Variants in ROR1 observed in about 807,000 individuals in gnomAD.
ROR1 encodes the protein ROR family WNT receptor 1.
Under a neutral mutation model 78.8 loss-of-function variants are expected in ROR1, and 19 were observed. That is an observed-to-expected ratio of 0.24 (90% CI 0.17 to 0.35). The LOEUF is 0.35. Among genes scored for constraint, ROR1 ranks in the 10% least tolerant of loss-of-function variants. The pLI, the probability that ROR1 is intolerant of heterozygous loss-of-function variation, is 1.00. For missense variants in ROR1, 917 were observed against 1,177.8 expected, an observed-to-expected ratio of 0.78 and a Z score of 3.24; for synonymous variants, 386 against 433.6, an observed-to-expected ratio of 0.89 and a Z score of 1.36.
chr1:64,130,239 G>C (rs912772571), intron 4 of ROR1, among the ~76,000 whole-genome samples: 7 of 152,118 alleles, frequency 4.6e-5, no homozygotes, highest in South Asian at 2.1e-4. Context: ...TAGATTTAAG[G>C]CTTCTCTGTG....
intron 1 of ROR1, among the ~76,000 whole-genome samples, chr1:63,824,481 A>T (rs1342390120): frequency 1.3e-5 from 2 of 152,186 alleles, no homozygotes; most frequent in East Asian, 3.8e-4. Flanking sequence ...TAGGCCATAC[A>T]AAAATAGACA....
At chr1:64,088,431 T>C (rs7542376) in intron 4 of ROR1, among the ~76,000 whole-genome samples, 22,682 of 152,072 alleles carry the variant, frequency 0.15, 1,775 homozygotes, top group Middle Eastern at 0.2. Flanking sequence ...TTTTCTAATA[T>C]AGAGCTGCCA....
At position 64,177,900 on chromosome 1, in the gene ROR1, A is replaced by AT; in HGVS notation, c.1860dup (p.Ile621TyrfsTer24). The AT allele has an allele frequency of 6.2e-7, 1 of 1,614,222 alleles. No homozygotes were observed. Among genetic ancestry groups the AT allele is most frequent in the South Asian group, 1.1e-5 (1 of 91,082 alleles). ...GTCCACAAGGACCTTGCAGCTCGCA[A>AT]TATTTTAATCGGAGAGCAACTTCAT... On this transcript the variant is annotated frameshift_variant, in exon 9 of 9. Coordinates refer to ENST00000371079, the MANE Select transcript of ROR1 (RefSeq NM_005012.4). LOFTEE classifies it high-confidence loss of function.
chr1:63,936,433 T>C (rs1569939320), intron 1 of ROR1, among the ~76,000 whole-genome samples: 1 of 152,304 alleles, frequency 6.6e-6, no homozygotes, highest in African/African-American at 2.4e-5. Context: ...GAATAATGAC[T>C]GTTTTCTAAA....
intron 1 of ROR1, among the ~76,000 whole-genome samples, chr1:63,976,736 T>A (rs1646164327): frequency 1.3e-5 from 2 of 152,148 alleles, no homozygotes; most frequent in Admixed American, 1.3e-4. Context: ...AGGTTGAGTA[T>A]CCCTTATCCA....
chr1:64,118,929 G>T (rs1648421540), intron 4 of ROR1, among the ~76,000 whole-genome samples: 1 of 152,156 alleles, frequency 6.6e-6, no homozygotes, highest in Non-Finnish European at 1.5e-5. Context: ...CCAGCACGTG[G>T]ACCATAAATG....
chr1:64,085,993 C>G (rs1043265505), intron 4 of ROR1, among the ~76,000 whole-genome samples: 2 of 152,190 alleles, frequency 1.3e-5, no homozygotes, highest in Admixed American at 6.5e-5. Context: ...CCCTTATTCC[C>G]TGGATGCCGT....
intron 1 of ROR1, among the ~76,000 whole-genome samples, chr1:63,827,716 C>T (rs1022114449): frequency 4.6e-5 from 7 of 152,244 alleles, no homozygotes; most frequent in African/African-American, 1.4e-4. Context: ...TAAGTTTTCA[C>T]GTTTGGCTTC....
intron 1 of ROR1, among the ~76,000 whole-genome samples, chr1:63,986,094 C>T (rs561073632): frequency 6.6e-6 from 1 of 152,182 alleles, no homozygotes; most frequent in African/African-American, 2.4e-5. Flanking sequence ...TGGAAAAAAA[C>T]TTAGAAATAT....
chr1:63,967,784 C>G (rs1237778147), intron 1 of ROR1, among the ~76,000 whole-genome samples: 2 of 152,180 alleles, frequency 1.3e-5, no homozygotes, highest in African/African-American at 2.4e-5. Context: ...GGAGGGGGAG[C>G]TTGGACTCTA....
intron 2 of ROR1, among the ~76,000 whole-genome samples, chr1:64,042,686 G>A (rs948480230): frequency 7.9e-5 from 12 of 152,106 alleles, no homozygotes; most frequent in African/African-American, 2.7e-4. Context: ...GAAGTCCCCC[G>A]CTATTTTCGG....
chr1:63,862,017 G>A (rs190344520), intron 1 of ROR1, among the ~76,000 whole-genome samples: 22 of 152,176 alleles, frequency 1.4e-4, no homozygotes, highest in East Asian at 1.9e-4. Context: ...ATAAATAATG[G>A]TTATCACATA....
chr1:63,912,830 GAA>G (rs1380464252), intron 1 of ROR1, among the ~76,000 whole-genome samples: 2 of 152,196 alleles, frequency 1.3e-5, no homozygotes, highest in Non-Finnish European at 2.9e-5. Flanking sequence ...CAGAGGAGGA[GAA>G]ATCTTCCAGC....
chr1:64,119,521 C>T (rs1453064651), intron 4 of ROR1, among the ~76,000 whole-genome samples: 2 of 151,866 alleles, frequency 1.3e-5, no homozygotes, highest in Non-Finnish European at 2.9e-5. Context: ...CGCCTGTAAT[C>T]CCAGTTACTT....
At chr1:64,007,956 C>CTTTTTTTTTTTTTTTT (rs74261212) in intron 1 of ROR1, among the ~76,000 whole-genome samples, 2 of 137,722 alleles carry the variant, frequency 1.5e-5, no homozygotes, top group African/African-American at 5.8e-5. Flanking sequence ...TGCCCTTGTT[C>CTTTTTTTTTTTTTTTT]TTTTTTTTTT....
At chr1:63,996,070 G>A (rs776789556) in intron 1 of ROR1, among the ~76,000 whole-genome samples, 9 of 152,108 alleles carry the variant, frequency 5.9e-5, no homozygotes, top group South Asian at 2.1e-4. Flanking sequence ...TTCAGAAAAC[G>A]TCTATTGACT....
At chr1:64,117,127 C>T (rs1205710276) in intron 4 of ROR1, among the ~76,000 whole-genome samples, 1 of 151,990 alleles carries the variant, frequency 6.6e-6, no homozygotes, top group African/African-American at 2.4e-5. Context: ...ATTTTTGGGG[C>T]AGGGGATAGA....
At chr1:64,088,461 T>A (rs1647170540) in intron 4 of ROR1, among the ~76,000 whole-genome samples, 1 of 152,142 alleles carries the variant, frequency 6.6e-6, no homozygotes, top group Non-Finnish European at 1.5e-5. Flanking sequence ...TCCTGCATTT[T>A]TTAGGTGTGC....
chr1:64,140,187 A>C lies in ROR1; in HGVS notation c.689A>C (p.Tyr230Ser). Reference protein sequence around the residue: ...SQFAIPSLCHYAFPYCDETSS... With the variant: ...SQFAIPSLCHSAFPYCDETSS... Reference sequence around the variant, plus strand: ...TTCGCCATTCCTTCCCTGTGCCACTATGCCTTCCCGTACTGCGATGAAACT... The same window carrying C: ...TTCGCCATTCCTTCCCTGTGCCACTCTGCCTTCCCGTACTGCGATGAAACT... The change falls in exon 6 of 9, where the codon TAT (tyrosine) becomes TCT (serine). Residue 230 changes from tyrosine (Y) to serine (S), a missense_variant. Physicochemically the swap from Tyr to Ser is moderately radical, Grantham distance 144. Transcript: ENST00000371079. 4 of 1,614,118 alleles carry C rather than the reference A, an allele frequency of 2.5e-6. No homozygotes were observed. Among genetic ancestry groups the C allele is most frequent in the Non-Finnish European group, 3.4e-6 (4 of 1,180,006 alleles).
Sources: gnomAD v4.1 joint callset for allele counts (sites outside exome capture counted in the v4.1 genomes callset) on GRCh38, gnomAD v4.1.1 for gene constraint, MANE v1.5 for transcripts, NCBI Gene and HGNC (gene_info 2026-07-23, HGNC 2026-07-21) for gene names.